TEX15: variants seen among roughly 807,000 people sequenced by gnomAD.
TEX15 encodes testis expressed 15, meiosis and synapsis associated.
In TEX15, 171 loss-of-function variants were observed where a neutral mutation model predicts 237.3. That is an observed-to-expected ratio of 0.72 (90% CI 0.64 to 0.82). The LOEUF is 0.82. Ranked by LOEUF, TEX15 falls within the 40% of genes least tolerant of loss-of-function variation. TEX15 has a pLI of 0.00. For missense variants in TEX15, 3,750 were observed against 3,646.5 expected (o/e 1.03, Z -0.73); for synonymous variants, 1,338 against 1,269.8 (o/e 1.05, Z -1.14).
chr8:30,855,939 G>A (rs1807901225), intron 7 of TEX15, among the ~76,000 whole-genome samples: 1 of 152,034 alleles, frequency 6.6e-6, no homozygotes, highest in East Asian at 1.9e-4. Context: ...GCTTTTAAAG[G>A]GCACAAAGTT....
intron 1 of TEX15, among the ~76,000 whole-genome samples, chr8:30,905,254 A>T (rs1015017919): frequency 1.4e-5 from 2 of 142,572 alleles, no homozygotes; most frequent in African/African-American, 5.4e-5. Flanking sequence ...CTGAAGACTT[A>T]AAAAGACTTC....
At chr8:30,834,202 T>C (rs1201652445) in intron 10 of TEX15, among the ~76,000 whole-genome samples, 1 of 152,214 alleles carries the variant, frequency 6.6e-6, no homozygotes, top group Non-Finnish European at 1.5e-5. Context: ...AGACAGAGTT[T>C]AACCTTGTCG....
Position 30,843,825 on chromosome 8 carries a change from A to G in TEX15, c.6342T>C (p.Leu2114=). The G allele has an allele frequency of 1.2e-6, 2 of 1,612,984 alleles. No homozygotes were observed. The highest frequency in any genetic ancestry group is 1.7e-6 in the Non-Finnish European group (2 of 1,179,450). ...GCTGTTGAAATCCACGTGGTTTTCCAAGAAGCTCAGCATACAGTGTTTCAT... is the reference window on the plus strand; with the variant it reads ...GCTGTTGAAATCCACGTGGTTTTCCGAGAAGCTCAGCATACAGTGTTTCAT... ...WYDETLYAEL[L]GKPRGFQQQS... Residue 2114 remains leucine (L), a synonymous_variant, in exon 8 of 11, where the codon CTT becomes CTC. Coordinates refer to ENST00000643185, the MANE Select transcript of TEX15 (RefSeq NM_001350162.2).
rs1351062471 is a variant in TEX15, at chr8:30,848,084, TAGA to T, written c.2080_2082del (p.Ser694del). On this transcript the variant is annotated inframe_deletion, in exon 8 of 11. Coordinates refer to ENST00000643185, the MANE Select transcript of TEX15 (RefSeq NM_001350162.2). Reference sequence around the variant, plus strand: ...TCATCCTTATCCTTTATGGTAGATGTAGAAGATTTTGTTATTTCTAACTCTTGA... The same window carrying T: ...TCATCCTTATCCTTTATGGTAGATGTAGATTTTGTTATTTCTAACTCTTGA... The T allele has an allele frequency of 3.1e-6, 5 of 1,611,332 alleles. No individual in the cohort carries two copies. Among genetic ancestry groups the T allele is most frequent in the East Asian group, 2.2e-5 (1 of 44,842 alleles).
At chr8:30,870,366 T>TA (rs1383772747) in intron 4 of TEX15, among the ~76,000 whole-genome samples, 14 of 152,044 alleles carry the variant, frequency 9.2e-5, no homozygotes, top group Non-Finnish European at 1.5e-4. Flanking sequence ...ATGTCATAGT[T>TA]AATTACATCA....
At chr8:30,873,564 C>A (rs138519385) in intron 4 of TEX15, among the ~76,000 whole-genome samples, 1 of 152,176 alleles carries the variant, frequency 6.6e-6, no homozygotes, top group East Asian at 1.9e-4. Context: ...TTCCTCATTG[C>A]CCTCTTCCCT....
chr8:30,889,965 A>ATATATACGTATATATATATATATATG (rs1808764029), intron 2 of TEX15, among the ~76,000 whole-genome samples: 1 of 131,314 alleles, frequency 7.6e-6, no homozygotes. Flanking sequence ...ATATATATAT[A>ATATATACGTATATATATATATATATG]TATGTATAAG....
chr8:30,854,003 T>C (rs1169640996), intron 7 of TEX15, among the ~76,000 whole-genome samples: 1 of 151,940 alleles, frequency 6.6e-6, no homozygotes, highest in South Asian at 2.1e-4. Context: ...GCTAAAGTAG[T>C]TGTTTCTAGA....
chr8:30,845,401 T>C lies in TEX15; in HGVS notation c.4766A>G (p.Glu1589Gly). The C allele has an allele frequency of 6.2e-7, 1 of 1,611,716 alleles. No individual in the cohort carries two copies. The change falls in exon 8 of 11, where the codon GAA (glutamate) becomes GGA (glycine). Residue 1589 changes from glutamate (E) to glycine (G), a missense_variant. Transcript: ENST00000643185. ...LSSTSKYEKL[E>G]KHSANHNVKD... ...AACATTATGATTTGCTGAATGTTTT[T>C]CAAGCTTTTCATATTTACTAGTGCT...
chr8:30,882,339 T>A (rs182538069), intron 3 of TEX15, among the ~76,000 whole-genome samples: 114 of 152,322 alleles, frequency 7.5e-4, no homozygotes, highest in African/African-American at 2.1e-3. Flanking sequence ...CAGGCTGGAG[T>A]GTAGTGGCGC....
At chr8:30,910,421 G>A (rs1447885790) in intron 1 of TEX15, among the ~76,000 whole-genome samples, 3 of 151,932 alleles carry the variant, frequency 2.0e-5, no homozygotes, top group South Asian at 2.1e-4. Context: ...AGACTCCTAC[G>A]GGTAATTTCT....
rs1807606909 is a variant in TEX15 at position 30,846,330 on chromosome 8, A to G, written c.3837T>C (p.Phe1279=). 1.2e-6 allele frequency: 2 copies of G among 1,612,674 alleles called. No homozygotes were observed. Among genetic ancestry groups the G allele is most frequent in the Non-Finnish European group, 1.7e-6 (2 of 1,179,614 alleles). ...TTIDDGSRCF[F]TKSKTDYNDT... ...CATTATAGTCAGTTTTTGATTTTGT[A>G]AAGAAACATCTGCTTCCATCATCTA... The change falls in exon 8 of 11, where the codon TTT becomes TTC. Residue 1279 remains phenylalanine, a synonymous_variant. Transcript: ENST00000643185.
Position 30,832,231 on chromosome 8 carries a change from A to G in TEX15, c.*1055T>C, listed in dbSNP as rs1299624359. ...GCCAGATAACACAAAAAGTTTGCTT[A>G]CATAAAAAGTTTGCAAAAGCACTGA... is the stretch of plus-strand genomic sequence containing the variant. On this transcript the variant is annotated 3_prime_UTR_variant, in exon 11 of 11. Coordinates refer to ENST00000643185, the MANE Select transcript of TEX15 (RefSeq NM_001350162.2). 1 of 152,264 alleles carries G rather than the reference A, an allele frequency of 6.6e-6. No homozygotes were observed. Among genetic ancestry groups the G allele is most frequent in the Non-Finnish European group, 1.5e-5 (1 of 68,046 alleles). 9.4% of individuals were successfully genotyped at this position (152,264 alleles called of 1,614,324 possible).
intron 2 of TEX15, among the ~76,000 whole-genome samples, chr8:30,889,753 AT>A (rs1808742502): frequency 6.6e-6 from 1 of 151,918 alleles, no homozygotes; most frequent in Non-Finnish European, 1.5e-5. Context: ...TGTTAAAGTG[AT>A]AACTTCATAT....
Position 30,843,366 on chromosome 8 carries a change from C to G in TEX15, c.6801G>C (p.Leu2267=), listed in dbSNP as rs1563233379. Residue 2267 remains leucine (L), a synonymous_variant, in exon 8 of 11, where the codon CTG becomes CTC. Coordinates refer to ENST00000643185, the MANE Select transcript of TEX15 (RefSeq NM_001350162.2). ...TTGCAGCATCAAAAAAGATATGTTC[C>G]AGACCATAAAGAGATATTTTAACAC... The part of the protein sequence containing the change: ...AVRVKISLYG[L]EHIFFDAAKN... The G allele has an allele frequency of 6.2e-7, 1 of 1,610,812 alleles. No homozygotes were observed.
chr8:30,868,629 T>A (rs1435405799), intron 4 of TEX15, among the ~76,000 whole-genome samples: 1 of 152,012 alleles, frequency 6.6e-6, no homozygotes, highest in Non-Finnish European at 1.5e-5. Context: ...TAGATAATGA[T>A]CACTTCTATT....
chr8:30,889,377 G>T (rs748106769), intron 2 of TEX15, among the ~76,000 whole-genome samples: 1 of 152,086 alleles, frequency 6.6e-6, no homozygotes, highest in Non-Finnish European at 1.5e-5. Context: ...ACTTGAACCC[G>T]GGAGGTGGAG....
At chr8:30,880,517 C>G (rs1479466456) in intron 3 of TEX15, among the ~76,000 whole-genome samples, 1 of 152,172 alleles carries the variant, frequency 6.6e-6, no homozygotes, top group African/African-American at 2.4e-5. Context: ...CCTTAGCCTA[C>G]TCAATGTGAA....
chr8:30,855,760 T>C (rs1807894749), intron 7 of TEX15, among the ~76,000 whole-genome samples: 1 of 152,026 alleles, frequency 6.6e-6, no homozygotes, highest in African/African-American at 2.4e-5. Context: ...TAAAAAGAAA[T>C]AAAGTACTGA....
Sources: allele counts gnomAD v4.1 joint callset (sites outside exome capture counted in the v4.1 genomes callset), GRCh38; gene constraint gnomAD v4.1.1; transcripts MANE v1.5; gene names NCBI Gene and HGNC (gene_info 2026-07-23, HGNC 2026-07-21).